Variants in TRMT1 observed in about 807,000 individuals in gnomAD.
The protein encoded by TRMT1 is tRNA (guanine(26)-N(2))-dimethyltransferase.
TRMT1 carries 63 observed loss-of-function variants against 75.4 expected under a neutral mutation model. The ratio of observed to expected loss-of-function variants is 0.84; its 90% CI spans 0.68 to 1.03. The LOEUF is 1.03. TRMT1 is among the 50% of genes least tolerant of loss of function. The pLI is 0.00. For missense variants in TRMT1, 870 were observed against 905.3 expected (o/e 0.96, Z 0.50); for synonymous variants, 382 against 358.1 (o/e 1.07, Z -0.75).
Position 13,107,596 on chromosome 19 carries a change from G to A in TRMT1, c.1561C>T (p.Arg521Cys), listed in dbSNP as rs900109858. ...TACCTGGGCTCCACACTGAGAATGC[G>A]GAACGCTGGGCTAGTCTCTGATAGT... ...ERLSETSPAFRILSVEPRLQA... is the reference protein window; with the variant it reads ...ERLSETSPAFCILSVEPRLQA... Residue 521 changes from arginine (R) to cysteine (C), a missense_variant, in exon 14 of 17, where the codon CGC becomes TGC. Transcript: ENST00000357720. The A allele has an allele frequency of 9.3e-6, 15 of 1,607,020 alleles. No individual in the cohort carries two copies. The highest frequency in any genetic ancestry group is 5.0e-5 in the Admixed American group (3 of 59,456).
In TRMT1 at chr19:13,115,398, C is replaced by A. The variant is rs1313694977; in HGVS notation, c.522G>T (p.Val174=). 1.2e-6 allele frequency: 2 copies of A among 1,614,124 alleles called. No individual in the cohort carries two copies. The highest frequency in any genetic ancestry group is 2.2e-5 in the South Asian group (2 of 91,086). ...TTGCAACCACAGATCTGAGCCCAGG[C>A]ACCTCTAGGGCAAATCGAATGGAAC... ...GLRSIRFALE[V]PGLRSVVAND... The change falls in exon 5 of 17, where the codon GTG becomes GTT. Residue 174 remains valine (V), a synonymous_variant. Transcript: ENST00000357720.
chr19:13,112,332 G>C (rs867610743), intron 7 of TRMT1, among the ~76,000 whole-genome samples: 2 of 152,214 alleles, frequency 1.3e-5, no homozygotes, highest in South Asian at 2.1e-4. Context: ...AAAAAAACCC[G>C]AGGACCAGAA....
At position 13,112,677 on chromosome 19, in the gene TRMT1, C is replaced by T. The variant is rs1386570163; in HGVS notation, c.870+28G>A. 5.0e-6 allele frequency: 8 copies of T among 1,602,068 alleles called. No individual in the cohort carries two copies. The African/African-American group carries it at 6.7e-5, about 13-fold the overall frequency. ...AGACAACCACCTGTCCCCCGGTCTC[C>T]CTGGCTGGCTGGCAGAGGGCCCCTC... On this transcript the variant is annotated intron_variant, in intron 7 of 16. Transcript: ENST00000357720.
At position 13,105,546 on chromosome 19, in the gene TRMT1, G is replaced by C. The variant is rs1177090784; in HGVS notation, c.1644C>G (p.Leu548=). ...CCTCCGGGTTAGCCTGGAAGCGCTT[G>C]AGTCCTCGCTGTCGGGAGCTGGGGT... ...DANPSSRQRG[L]KRFQANPEAN... The change falls in exon 15 of 17, where the codon CTC becomes CTG. Residue 548 remains leucine, a synonymous_variant. Coordinates refer to ENST00000357720, the MANE Select transcript of TRMT1 (RefSeq NM_001136035.4). 6.2e-7 allele frequency: 1 copy of C among 1,614,054 alleles called. No homozygotes were observed. Among genetic ancestry groups the C allele is most frequent in the East Asian group, 2.2e-5 (1 of 44,854 alleles).
chr19:13,109,140 ATGTG>A (rs932203158), intron 12 of TRMT1, among the ~76,000 whole-genome samples: 1 of 150,044 alleles, frequency 6.7e-6, no homozygotes, highest in Non-Finnish European at 1.5e-5. Flanking sequence ...GTGTATATGT[ATGTG>A]TGTGTACATA....
chr19:13,112,710 C>T lies in TRMT1; in HGVS notation c.865G>A (p.Glu289Lys), dbSNP rs2019186837. Reference sequence around the variant, plus strand: ...GCTGGCAGAGGGCCCCTCACCATCTCGTGGCAGGCCCGGCTCTTGAGGGCC... The same window carrying T: ...GCTGGCAGAGGGCCCCTCACCATCTTGTGGCAGGCCCGGCTCTTGAGGGCC... ...AMALKSRACHEMALRIVLHSL... is the reference protein window; with the variant it reads ...AMALKSRACHKMALRIVLHSL... Residue 289 changes from glutamate to lysine, a missense_variant, in exon 7 of 17, where the codon GAG (glutamate) becomes AAG (lysine). Glu to Lys is a moderately conservative substitution (Grantham distance 56, BLOSUM62 1). Transcript: ENST00000357720. The T allele has an allele frequency of 5.6e-6, 9 of 1,611,428 alleles. No homozygotes were observed. The highest frequency in any genetic ancestry group is 1.7e-5 in the Admixed American group (1 of 59,964).
At chr19:13,109,712 A>G in intron 10 of TRMT1, 28 bp from the exon 11 acceptor site, 1 of 1,613,998 alleles carries the variant, frequency 6.2e-7, no homozygotes, top group Non-Finnish European at 8.5e-7. Flanking sequence ...ACAGGTGAGC[A>G]GGGACTATGA....
Position 13,115,901 on chromosome 19 carries a change from G to A in TRMT1, c.310+96C>T, listed in dbSNP as rs758069208. 9 of 1,608,718 alleles carry A rather than the reference G, an allele frequency of 5.6e-6. No homozygotes were observed. The Admixed American group carries it at 1.3e-4, about 24-fold the overall frequency. On this transcript the variant is annotated intron_variant, in intron 3 of 16. Transcript: ENST00000357720. Reference sequence around the variant, plus strand: ...GAGCAGAACCCAGGGCCTGCTATGTGGCTGAAGCCCCTCTGGATTTGGGCG... The same window carrying A: ...GAGCAGAACCCAGGGCCTGCTATGTAGCTGAAGCCCCTCTGGATTTGGGCG...
intron 11 of TRMT1, 33 bp downstream of exon 11, chr19:13,109,517 G>A: frequency 6.2e-7 from 1 of 1,614,026 alleles, no homozygotes; most frequent in South Asian, 1.1e-5. Flanking sequence ...GGCACAGGTG[G>A]AGCCCCCTTC....
At chr19:13,116,088 C>T (rs756792780) in intron 2 of TRMT1, 36 bp from the exon 3 acceptor site, 2 of 1,612,960 alleles carry the variant, frequency 1.2e-6, no homozygotes, top group Non-Finnish European at 1.7e-6. Context: ...ATACCCCGCC[C>T]CCGCCATCCA....
chr19:13,107,167 C>T (rs1188496530), intron 14 of TRMT1, among the ~76,000 whole-genome samples: 1 of 150,520 alleles, frequency 6.6e-6, no homozygotes, highest in Non-Finnish European at 1.5e-5. Flanking sequence ...TGGAGTCTCG[C>T]TCTGTCGCCC....
chr19:13,107,744 C>T lies in TRMT1; in HGVS notation c.1506+7G>A. 1 of 1,555,222 alleles carries T rather than the reference C, an allele frequency of 6.4e-7. No individual in the cohort carries two copies. The highest frequency in any genetic ancestry group is 8.7e-7 in the Non-Finnish European group (1 of 1,148,294). On this transcript the variant is annotated splice_region_variant and intron_variant, in intron 13 of 16. Transcript: ENST00000357720. ...TCCCACCTGCATGAGGTCAGCCCTG[C>T]CCTCACCCAGCAACGCATGATGTCC...
chr19:13,114,084 A>G (rs1470480292), intron 5 of TRMT1, among the ~76,000 whole-genome samples: 1 of 152,224 alleles, frequency 6.6e-6, no homozygotes, highest in Non-Finnish European at 1.5e-5. Context: ...GGATTCTAGT[A>G]AGGTCAGAAA....
chr19:13,116,270 A>C lies in TRMT1; in HGVS notation c.130T>G (p.Tyr44Asp), dbSNP rs1306293654. The change falls in exon 2 of 17, where the codon TAC becomes GAC. Residue 44 changes from tyrosine (Y) to aspartate (D), a missense_variant. Tyr to Asp is a radical substitution (Grantham distance 160, BLOSUM62 -3). Coordinates refer to ENST00000357720, the MANE Select transcript of TRMT1 (RefSeq NM_001136035.4). ...ACTTCACGTGGACGTTCTTCTCCGT[A>C]GGGCCCGGTGCCGTTCTCCATCGCT... ...TAAMENGTGP[Y>D]GEERPREVQE... 6.2e-7 allele frequency: 1 copy of C among 1,614,138 alleles called. No individual in the cohort carries two copies. Among genetic ancestry groups the C allele is most frequent in the Admixed American group, 1.7e-5 (1 of 60,022 alleles).
chr19:13,112,687 TG>T lies in TRMT1; in HGVS notation c.870+17del. 6.2e-7 allele frequency: 1 copy of T among 1,606,614 alleles called. No individual in the cohort carries two copies. The highest frequency in any genetic ancestry group is 2.2e-5 in the East Asian group (1 of 44,838). On this transcript the variant is annotated intron_variant, in intron 7 of 16. Coordinates refer to ENST00000357720, the MANE Select transcript of TRMT1 (RefSeq NM_001136035.4). ...CTGTCCCCCGGTCTCCCTGGCTGGC[TG>T]GCAGAGGGCCCCTCACCATCTCGTG...
chr19:13,104,976 G>C lies in TRMT1; in HGVS notation c.1939C>G (p.Pro647Ala). Residue 647 changes from proline to alanine, a missense_variant, in exon 17 of 17, where the codon CCC becomes GCC. Transcript: ENST00000357720. The part of the protein sequence containing the change: ...PDCPETSNQT[P>A]PGPGAAAGPG... ...CCAGCGGCAGCCCCAGGTCCAGGGG[G>C]GGTCTGGTTGGAGGTCTCTGGACAG... 1 of 1,613,860 alleles carries C rather than the reference G, an allele frequency of 6.2e-7. No individual in the cohort carries two copies. The highest frequency in any genetic ancestry group is 1.1e-5 in the South Asian group (1 of 91,082).
At position 13,109,458 on chromosome 19, in the gene TRMT1, C is replaced by T. The variant is rs201904440; in HGVS notation, c.1320G>A (p.Pro440=). The T allele has an allele frequency of 7.9e-5, 128 of 1,613,868 alleles. No homozygotes were observed. In the Admixed American group the frequency reaches 1.7e-3, roughly 21 times the overall value. ...GVLSVITEEL[P]DVPLYYTLDQ... ...CCAGGGTGTAGTACAGAGGCACGTCCGGGAGCTCCTGCGATGGGGGACAGG... is the reference window on the plus strand; with the variant it reads ...CCAGGGTGTAGTACAGAGGCACGTCTGGGAGCTCCTGCGATGGGGGACAGG... Residue 440 remains proline, a synonymous_variant, in exon 12 of 17, where the codon CCG becomes CCA. Transcript: ENST00000357720.
rs1422276020 is a variant in TRMT1, at chr19:13,109,844, CAG to C, written c.1107-8_1107-7del. The C allele has an allele frequency of 3.1e-6, 5 of 1,614,032 alleles. No individual in the cohort carries two copies. The highest frequency in any genetic ancestry group is 2.2e-5 in the East Asian group (1 of 44,886). ...AGGCTGCAGAGAACTTGGCCCTAAA[CAG>C]AGAGGGGTGGTTGGTGGGGAGGGAG... On this transcript the variant is annotated splice_polypyrimidine_tract_variant and splice_region_variant and intron_variant, in intron 9 of 16. Coordinates refer to ENST00000357720, the MANE Select transcript of TRMT1 (RefSeq NM_001136035.4).
At chr19:13,107,519 T>TG in intron 14 of TRMT1, 55 bp downstream of exon 14, 1 of 1,544,414 alleles carries the variant, frequency 6.5e-7, no homozygotes, top group African/African-American at 1.4e-5. Context: ...TGCACACACA[T>TG]GTGCTTCCAT....
Sources: allele counts gnomAD v4.1 joint callset (sites outside exome capture counted in the v4.1 genomes callset), GRCh38; gene constraint gnomAD v4.1.1; transcripts MANE v1.5; gene names NCBI Gene and HGNC (gene_info 2026-07-23, HGNC 2026-07-21).